Variants in SCAPER observed in about 807,000 individuals in gnomAD.
SCAPER encodes the protein S-phase cyclin A associated protein in the ER.
In SCAPER, 98 loss-of-function variants were observed where a neutral mutation model predicts 182.2. The observed-to-expected ratio is 0.54, with a 90% CI of 0.46 to 0.64. The LOEUF is 0.64. Among genes scored for constraint, SCAPER ranks in the 30% least tolerant of loss-of-function variants. The pLI is 0.00. For synonymous variants in SCAPER, 605 were observed against 564.6 expected (o/e 1.07, Z -1.01); for missense variants, 1,432 against 1,690.0 (o/e 0.85, Z 2.68).
intron 10 of SCAPER, among the ~76,000 whole-genome samples, chr15:76,769,207 C>T (rs1020188994): frequency 2.0e-5 from 3 of 151,490 alleles, no homozygotes; most frequent in African/African-American, 7.3e-5. Context: ...CTTTGGGAGG[C>T]CGAGGCGGGT....
At chr15:76,553,648 T>A (rs2045961024) in intron 23 of SCAPER, among the ~76,000 whole-genome samples, 1 of 152,008 alleles carries the variant, frequency 6.6e-6, no homozygotes, top group Non-Finnish European at 1.5e-5. Flanking sequence ...CTCAAGGGGA[T>A]GGAGAACAAA....
chr15:76,401,137 T>C (rs1193795773), intron 27 of SCAPER, among the ~76,000 whole-genome samples: 4 of 152,108 alleles, frequency 2.6e-5, no homozygotes, highest in African/African-American at 4.8e-5. Context: ...GTATATGATA[T>C]GTATATGTAT....
intron 20 of SCAPER, among the ~76,000 whole-genome samples, chr15:76,675,910 C>T (rs936829790): frequency 1.3e-5 from 2 of 151,996 alleles, no homozygotes; most frequent in African/African-American, 4.8e-5. Context: ...CTACAACCTC[C>T]ACCTCCTGGG....
intron 22 of SCAPER, among the ~76,000 whole-genome samples, chr15:76,596,626 C>T (rs2896952): frequency 0.23 from 27,837 of 120,136 alleles, 10,146 homozygotes; most frequent in East Asian, 0.65. Flanking sequence ...ATGATCAAGT[C>T]GGCTTCATCC....
At chr15:76,565,040 A>C (rs2046934541) in intron 23 of SCAPER, among the ~76,000 whole-genome samples, 2 of 152,210 alleles carry the variant, frequency 1.3e-5, no homozygotes, top group African/African-American at 4.8e-5. Context: ...CAAAGACTTA[A>C]ATGTAAAATC....
chr15:76,845,969 C>T (rs2070035602), intron 4 of SCAPER, among the ~76,000 whole-genome samples: 1 of 151,942 alleles, frequency 6.6e-6, no homozygotes, highest in African/African-American at 2.4e-5. Context: ...GTAACTCAAA[C>T]AGCATGGTAC....
chr15:76,851,634 A>G (rs995561560), intron 4 of SCAPER, among the ~76,000 whole-genome samples: 2 of 152,226 alleles, frequency 1.3e-5, no homozygotes, highest in African/African-American at 4.8e-5. Flanking sequence ...AGATAAGCAA[A>G]TGTTGAGAGA....
intron 22 of SCAPER, among the ~76,000 whole-genome samples, chr15:76,578,158 G>A (rs148176685): frequency 2.0e-5 from 3 of 152,220 alleles, no homozygotes; most frequent in Non-Finnish European, 4.4e-5. Flanking sequence ...ACTTTGTCTT[G>A]TGGTTTGGGT....
At chr15:76,878,780 AGAAGAG>A (rs1250852911) in intron 2 of SCAPER, among the ~76,000 whole-genome samples, 1 of 152,104 alleles carries the variant, frequency 6.6e-6, no homozygotes, top group Non-Finnish European at 1.5e-5. Flanking sequence ...AAAGAAAAAA[AGAAGAG>A]GAAGAGGAAG....
chr15:76,865,987 T>C (rs1474564042), intron 2 of SCAPER, among the ~76,000 whole-genome samples: 1 of 152,152 alleles, frequency 6.6e-6, no homozygotes, highest in Non-Finnish European at 1.5e-5. Flanking sequence ...ACTTCTCTAC[T>C]CATTCTCATA....
chr15:76,397,007 G>GTTT (rs61586857), intron 27 of SCAPER, among the ~76,000 whole-genome samples: 1 of 121,140 alleles, frequency 8.3e-6, no homozygotes, highest in Non-Finnish European at 1.8e-5. Flanking sequence ...TTTTTTGAGA[G>GTTT]TTTTTTTTTT....
At position 76,878,835 on chromosome 15, in the gene SCAPER, G is replaced by A. The variant is rs114540184; in HGVS notation, c.6+4977C>T. Among the ~76,000 whole-genome samples the A allele has an allele frequency of 8.1e-3, 1,230 of 152,072 alleles. 13 individuals are homozygous for A. The highest frequency in any genetic ancestry group is 0.028 in the African/African-American group (1,166 of 41,488). The stretch of plus-strand genomic sequence containing the variant: ...CTGAGTCAAAAAAGAAGTCTACTGG[G>A]TCAATAAAAAAATGGGGAGGAAACT... On this transcript the variant is annotated intron_variant, in intron 2 of 31. Coordinates refer to ENST00000563290, the MANE Select transcript of SCAPER (RefSeq NM_020843.4).
Position 76,665,704 on chromosome 15 carries a change from C to A in SCAPER, c.2594G>T (p.Arg865Leu), listed in dbSNP as rs376048172. 8 of 1,570,136 alleles carry A rather than the reference C, an allele frequency of 5.1e-6. No homozygotes were observed. Among genetic ancestry groups the A allele is most frequent in the Non-Finnish European group, 6.9e-6 (8 of 1,157,986 alleles). ...PAEALKDGEE[R>L]QKNKKKAKKI... ...TTTGGCTTTTTTTTTATTTTTTTGCCGCTCTTCTCCATCTTTCAAAGCTTC... is the reference window on the plus strand; with the variant it reads ...TTTGGCTTTTTTTTTATTTTTTTGCAGCTCTTCTCCATCTTTCAAAGCTTC... The change falls in exon 21 of 32, where the codon CGG becomes CTG. Residue 865 changes from arginine (R) to leucine (L), a missense_variant. Coordinates refer to ENST00000563290, the MANE Select transcript of SCAPER (RefSeq NM_020843.4).
rs541120516 is a variant in SCAPER, at chr15:76,504,966, T to C, written c.2847A>G (p.Ala949=). The change falls in exon 24 of 32, where the codon GCA becomes GCG. Residue 949 remains alanine (A), a synonymous_variant. Transcript: ENST00000563290. ...ITRILEKENV[A]DQIAFQAAGG... ...CAGCAGCTTGAAATGCAATCTGATC[T>C]GCCACATTCTAGACAGAAATACAAA... is the stretch of plus-strand genomic sequence containing the variant. 5 of 1,611,372 alleles carry C rather than the reference T, an allele frequency of 3.1e-6. No individual in the cohort carries two copies. In the South Asian group the frequency reaches 4.4e-5, roughly 14 times the overall value.
intron 15 of SCAPER, among the ~76,000 whole-genome samples, chr15:76,745,146 G>A (rs1176878309): frequency 6.6e-6 from 1 of 152,014 alleles, no homozygotes; most frequent in African/African-American, 2.4e-5. Flanking sequence ...AAGTAGAGAG[G>A]GAAGGGAGAG....
intron 21 of SCAPER, among the ~76,000 whole-genome samples, chr15:76,640,955 G>A (rs2054056139): frequency 6.6e-6 from 1 of 152,156 alleles, no homozygotes; most frequent in South Asian, 2.1e-4. Flanking sequence ...ATAGCTCTGG[G>A]AATGGAATGT....
At chr15:76,664,844 A>C (rs2056449654) in intron 21 of SCAPER, among the ~76,000 whole-genome samples, 1 of 152,200 alleles carries the variant, frequency 6.6e-6, no homozygotes, top group Non-Finnish European at 1.5e-5. Context: ...TGATTATGTA[A>C]ATTGAAATAG....
intron 29 of SCAPER, among the ~76,000 whole-genome samples, chr15:76,369,033 CAG>C (rs1396741030): frequency 6.6e-6 from 1 of 152,166 alleles, no homozygotes; most frequent in African/African-American, 2.4e-5. Context: ...CTATAGGAAA[CAG>C]AAGATTCATT....
At chr15:76,718,868 C>T (rs996426225) in intron 17 of SCAPER, among the ~76,000 whole-genome samples, 6 of 151,986 alleles carry the variant, frequency 3.9e-5, no homozygotes, top group Non-Finnish European at 5.9e-5. Flanking sequence ...AACTCACACC[C>T]ATTAGATGAC....
Sources: allele counts gnomAD v4.1 joint callset (sites outside exome capture counted in the v4.1 genomes callset), GRCh38; gene constraint gnomAD v4.1.1; transcripts MANE v1.5; gene names NCBI Gene and HGNC (gene_info 2026-07-23, HGNC 2026-07-21).